The following DPP10 variants were observed in gnomAD, a reference collection of about 807,000 sequenced individuals.
DPP10 encodes dipeptidyl peptidase like 10, also known as inactive dipeptidyl peptidase 10.
A neutral mutation model predicts 120.9 loss-of-function variants in DPP10; 33 were observed. The observed-to-expected ratio is 0.27, with a 90% CI of 0.21 to 0.37. DPP10 has a LOEUF of 0.37. Ranked by LOEUF, DPP10 falls within the 10% of genes least tolerant of loss-of-function variation. DPP10 has a pLI of 1.00. For synonymous variants in DPP10, 337 were observed against 326.1 expected (o/e 1.03, Z -0.36); for missense variants, 816 against 942.8 (o/e 0.87, Z 1.76).
intron 1 of DPP10, among the ~76,000 whole-genome samples, chr2:114,721,729 C>G (rs1701717302): frequency 6.6e-6 from 1 of 152,144 alleles, no homozygotes; most frequent in Non-Finnish European, 1.5e-5. Flanking sequence ...TCTGCTAGAT[C>G]CTTCACACTC....
At chr2:115,072,891 T>C (rs914688376) in intron 1 of DPP10, among the ~76,000 whole-genome samples, 1 of 152,122 alleles carries the variant, frequency 6.6e-6, no homozygotes, top group African/African-American at 2.4e-5. Context: ...CAAGCAATTC[T>C]CCTACCTCAG....
chr2:114,891,036 A>G (rs1192211158), intron 1 of DPP10, among the ~76,000 whole-genome samples: 1 of 152,198 alleles, frequency 6.6e-6, no homozygotes, highest in Non-Finnish European at 1.5e-5. Context: ...TTGCATCCTA[A>G]TGACAGATGC....
chr2:114,717,716 T>C (rs1701445530), intron 1 of DPP10, among the ~76,000 whole-genome samples: 2 of 152,138 alleles, frequency 1.3e-5, no homozygotes, highest in African/African-American at 2.4e-5. Flanking sequence ...CACCAGTACC[T>C]CCCTTCTACT....
intron 3 of DPP10, among the ~76,000 whole-genome samples, chr2:115,377,372 G>A (rs2065893770): frequency 6.6e-6 from 1 of 152,084 alleles, no homozygotes. Context: ...GTCTGTTCAT[G>A]TCCTTCACCC....
At chr2:115,174,404 A>G (rs1486158352) in intron 1 of DPP10, among the ~76,000 whole-genome samples, 1 of 152,212 alleles carries the variant, frequency 6.6e-6, no homozygotes, top group East Asian at 1.9e-4. Flanking sequence ...AGAGATTTAT[A>G]TAGTCTGAAA....
chr2:114,603,912 A>G (rs1252743661), intron 1 of DPP10, among the ~76,000 whole-genome samples: 3 of 152,090 alleles, frequency 2.0e-5, no homozygotes, highest in Admixed American at 6.6e-5. Flanking sequence ...GTAGTCATAT[A>G]TATAGCTACA....
At chr2:115,034,626 T>C (rs895018833) in intron 1 of DPP10, among the ~76,000 whole-genome samples, 1 of 152,170 alleles carries the variant, frequency 6.6e-6, no homozygotes, top group South Asian at 2.1e-4. Flanking sequence ...GTTAAAATAT[T>C]TAAAGTGTTT....
intron 1 of DPP10, among the ~76,000 whole-genome samples, chr2:114,656,216 A>G (rs1204538033): frequency 6.6e-6 from 1 of 152,172 alleles, no homozygotes; most frequent in Admixed American, 6.5e-5. Context: ...AGATAGAGCT[A>G]AGATTCGGTT....
chr2:114,948,889 C>G (rs1189056126), intron 1 of DPP10, among the ~76,000 whole-genome samples: 2 of 151,308 alleles, frequency 1.3e-5, no homozygotes, highest in Admixed American at 1.3e-4. Context: ...CACAAGGCAG[C>G]AGAAGAGAGA....
chr2:115,123,276 T>G (rs778377660), intron 1 of DPP10, among the ~76,000 whole-genome samples: 7 of 152,176 alleles, frequency 4.6e-5, no homozygotes, highest in African/African-American at 1.7e-4. Context: ...GAGGGCCAAG[T>G]AGGTGACTTG....
chr2:115,780,490 T>C (rs1032879044), intron 15 of DPP10, among the ~76,000 whole-genome samples: 2 of 151,870 alleles, frequency 1.3e-5, no homozygotes, highest in African/African-American at 4.8e-5. Context: ...TCAATTAGTA[T>C]GTATTAAACA....
At chr2:115,777,889 T>C in intron 15 of DPP10, 55 bp downstream of exon 15, 1 of 1,564,764 alleles carries the variant, frequency 6.4e-7, no homozygotes, top group Non-Finnish European at 8.7e-7. Flanking sequence ...TGGCTATCTA[T>C]GTAGCATAAG....
rs527266493 is a variant in DPP10 at position 114,837,853 on chromosome 2, A to G, written c.60+395015A>G. ...CCACCTCTGCTCAGCCCCTGTGACAATGTCCATCTATTGCAGGTGGTGGAT... is the reference window on the plus strand; with the variant it reads ...CCACCTCTGCTCAGCCCCTGTGACAGTGTCCATCTATTGCAGGTGGTGGAT... On this transcript the variant is annotated intron_variant, in intron 1 of 25. Transcript: ENST00000410059. Among the ~76,000 whole-genome samples, 11 of 152,308 alleles carry G rather than the reference A, an allele frequency of 7.2e-5. No individual in the cohort carries two copies. The South Asian group carries it at 2.1e-3, about 29-fold the overall frequency.
chr2:114,704,460 A>C (rs1301484368), intron 1 of DPP10, among the ~76,000 whole-genome samples: 1 of 152,206 alleles, frequency 6.6e-6, no homozygotes, highest in Admixed American at 6.5e-5. Context: ...TAGGAATGTT[A>C]TGTTTTGACA....
chr2:115,273,189 A>T (rs1430748410), intron 1 of DPP10, among the ~76,000 whole-genome samples: 1 of 152,134 alleles, frequency 6.6e-6, no homozygotes, highest in Non-Finnish European at 1.5e-5. Flanking sequence ...TGTGGAGTAC[A>T]TTTCTTTTCT....
intron 2 of DPP10, among the ~76,000 whole-genome samples, chr2:115,315,517 G>A (rs994823963): frequency 6.6e-6 from 1 of 152,062 alleles, no homozygotes; most frequent in Non-Finnish European, 1.5e-5. Context: ...AATTTATTAG[G>A]TGTCATTTAA....
chr2:115,478,772 T>C (rs1421939523), intron 3 of DPP10, among the ~76,000 whole-genome samples: 1 of 152,168 alleles, frequency 6.6e-6, no homozygotes, highest in African/African-American at 2.4e-5. Context: ...CAAAAAGATA[T>C]GCAAATATCC....
chr2:114,572,648 T>A (rs772309311), intron 1 of DPP10, among the ~76,000 whole-genome samples: 24 of 152,206 alleles, frequency 1.6e-4, no homozygotes, highest in Non-Finnish European at 3.1e-4. Context: ...CAGCGAATGA[T>A]AAAGTCTCCA....
intron 12 of DPP10, among the ~76,000 whole-genome samples, chr2:115,764,265 A>T (rs1680456946): frequency 6.6e-6 from 1 of 152,168 alleles, no homozygotes; most frequent in South Asian, 2.1e-4. Context: ...GTGATTAAGA[A>T]GAAAAGTAAA....
Sources: gnomAD v4.1 joint callset for allele counts (sites outside exome capture counted in the v4.1 genomes callset) on GRCh38, gnomAD v4.1.1 for gene constraint, MANE v1.5 for transcripts, NCBI Gene and HGNC (gene_info 2026-07-23, HGNC 2026-07-21) for gene names.